Variants in CMIP observed in about 807,000 individuals in gnomAD.
CMIP encodes the protein c-Maf inducing protein.
Under a neutral mutation model 97.3 loss-of-function variants are expected in CMIP, and 13 were observed. The observed-to-expected ratio is 0.13, with a 90% CI of 0.09 to 0.21. The LOEUF is 0.21. Among genes scored for constraint, CMIP ranks in the 10% least tolerant of loss-of-function variants. The pLI, the probability that CMIP is intolerant of heterozygous loss-of-function variation, is 1.00. For missense variants in CMIP, 847 were observed against 1,024.9 expected (o/e 0.83, Z 2.37); for synonymous variants, 538 against 436.3 (o/e 1.23, Z -2.91).
chr16:81,615,422 G>A (rs919945945), intron 2 of CMIP, among the ~76,000 whole-genome samples: 12 of 143,388 alleles, frequency 8.4e-5, no homozygotes, highest in Middle Eastern at 4.7e-3. Context: ...GTGTGTGTGC[G>A]TGGTGTGTGT....
intron 1 of CMIP, among the ~76,000 whole-genome samples, chr16:81,462,674 A>G (rs1906966227): frequency 1.3e-5 from 2 of 152,072 alleles, no homozygotes; most frequent in Admixed American, 6.5e-5. Context: ...CCCAGTCTGG[A>G]GTTTCAAGGT....
intron 1 of CMIP, among the ~76,000 whole-genome samples, chr16:81,530,851 A>G (rs1376324323): frequency 6.6e-6 from 1 of 152,294 alleles, no homozygotes; most frequent in East Asian, 1.9e-4. Flanking sequence ...CTTCTTCTGC[A>G]TAAAAAAGAA....
chr16:81,645,313 C>A, intron 3 of CMIP: 2 of 1,259,550 alleles, frequency 1.6e-6, no homozygotes, highest in Non-Finnish European at 2.1e-6. Context: ...GCCCGTGCAG[C>A]GTCCTCTCTT....
intron 9 of CMIP, among the ~76,000 whole-genome samples, chr16:81,672,436 C>T (rs2092691341): frequency 6.6e-6 from 1 of 152,184 alleles, no homozygotes; most frequent in Non-Finnish European, 1.5e-5. Context: ...TGTACACATA[C>T]ATGTGACTGT....
At position 81,454,908 on chromosome 16, in the gene CMIP, G is replaced by A. The variant is rs145948418; in HGVS notation, c.300+9367G>A. ...TGATGGAGATGAGGGTGGCAGGTCGGAGGTGGGAATGAGCAGAGGGAACAG... is the reference window on the plus strand; with the variant it reads ...TGATGGAGATGAGGGTGGCAGGTCGAAGGTGGGAATGAGCAGAGGGAACAG... On this transcript the variant is annotated intron_variant, in intron 1 of 20. Coordinates refer to ENST00000537098, the MANE Select transcript of CMIP (RefSeq NM_198390.3). Among the ~76,000 whole-genome samples, 210 of 152,316 alleles carry A rather than the reference G, an allele frequency of 1.4e-3. 1 individual carries two copies. The highest frequency in any genetic ancestry group is 5.0e-3 in the African/African-American group (206 of 41,554).
chr16:81,473,717 C>T (rs950068013), intron 1 of CMIP, among the ~76,000 whole-genome samples: 15 of 151,262 alleles, frequency 9.9e-5, no homozygotes, highest in African/African-American at 2.9e-4. Flanking sequence ...TTGGGGGACG[C>T]GGGGACGCAG....
At chr16:81,521,437 C>A (rs926434492) in intron 1 of CMIP, among the ~76,000 whole-genome samples, 1 of 152,096 alleles carries the variant, frequency 6.6e-6, no homozygotes, top group Non-Finnish European at 1.5e-5. Flanking sequence ...GTAGAACCAC[C>A]GGTGACCGCC....
chr16:81,569,969 A>G (rs1220423633), intron 1 of CMIP, among the ~76,000 whole-genome samples: 1 of 152,062 alleles, frequency 6.6e-6, no homozygotes, highest in African/African-American at 2.4e-5. Flanking sequence ...TCATTCATTC[A>G]TTCATTCAGC....
intron 1 of CMIP, among the ~76,000 whole-genome samples, chr16:81,558,852 G>C (rs1175958127): frequency 1.3e-5 from 2 of 152,220 alleles, no homozygotes; most frequent in African/African-American, 4.8e-5. Context: ...CCTCCCGCCT[G>C]CAGCCATCCT....
chr16:81,588,548 C>T (rs1162079527), intron 1 of CMIP, among the ~76,000 whole-genome samples: 1 of 152,198 alleles, frequency 6.6e-6, no homozygotes, highest in Non-Finnish European at 1.5e-5. Context: ...GTGACAATTA[C>T]ATCATTACCT....
At chr16:81,514,654 G>T (rs77524171) in intron 1 of CMIP, among the ~76,000 whole-genome samples, 1 of 152,166 alleles carries the variant, frequency 6.6e-6, no homozygotes, top group Non-Finnish European at 1.5e-5. Context: ...GAGCCTGAGA[G>T]CCCAGGAGAA....
At chr16:81,486,349 G>A (rs990945895) in intron 1 of CMIP, among the ~76,000 whole-genome samples, 1 of 152,226 alleles carries the variant, frequency 6.6e-6, no homozygotes, top group African/African-American at 2.4e-5. Context: ...GAGCAGCCCT[G>A]GGAGGTAGAT....
At chr16:81,478,802 G>A (rs1908083616) in intron 1 of CMIP, among the ~76,000 whole-genome samples, 1 of 152,192 alleles carries the variant, frequency 6.6e-6, no homozygotes, top group African/African-American at 2.4e-5. Flanking sequence ...AGGGAGGGGA[G>A]CAGGAGACCC....
At chr16:81,478,953 A>T (rs981877139) in intron 1 of CMIP, among the ~76,000 whole-genome samples, 3 of 152,040 alleles carry the variant, frequency 2.0e-5, no homozygotes, top group Non-Finnish European at 4.4e-5. Context: ...ACCCGTCCTC[A>T]CCCGAAGCAG....
intron 2 of CMIP, among the ~76,000 whole-genome samples, chr16:81,615,672 C>T (rs1028046679): frequency 7.6e-6 from 1 of 131,946 alleles, no homozygotes; most frequent in South Asian, 2.5e-4. Flanking sequence ...GTGTATGTGT[C>T]TGTGTGTGTG....
At chr16:81,447,533 G>T (rs1597439508) in intron 1 of CMIP, among the ~76,000 whole-genome samples, 2 of 152,198 alleles carry the variant, frequency 1.3e-5, no homozygotes, top group East Asian at 3.8e-4. Context: ...GGCCAGCCCA[G>T]GTAGGTGGCA....
Position 81,691,797 on chromosome 16 carries a change from C to T in CMIP, c.1411C>T (p.Pro471Ser), listed in dbSNP as rs1456730271. The T allele has an allele frequency of 1.9e-6, 3 of 1,613,808 alleles. No homozygotes were observed. Among genetic ancestry groups the T allele is most frequent in the African/African-American group, 1.3e-5 (1 of 74,932 alleles). Residue 471 changes from proline (P) to serine (S), a missense_variant, in exon 11 of 21, where the codon CCG (proline) becomes TCG (serine). Physicochemically the swap from Pro to Ser is moderately conservative, Grantham distance 74 (BLOSUM62 -1). Around this residue, in one of 4 missense-constraint regions of CMIP, gnomAD observed 202 missense variants for 168.7 expected, o/e 1.20. Coordinates refer to ENST00000537098, the MANE Select transcript of CMIP (RefSeq NM_198390.3). ...TAGGTCAGACTATGATGACTGGAGA[C>T]CGTCTCTGGCCAGTTTGCTTCAACC... The part of the protein sequence containing the change: ...KLLSDYDDWR[P>S]SLASLLQPIP...
At chr16:81,522,813 A>G (rs1301023539) in intron 1 of CMIP, among the ~76,000 whole-genome samples, 1 of 152,114 alleles carries the variant, frequency 6.6e-6, no homozygotes, top group Non-Finnish European at 1.5e-5. Context: ...CTAATTTACT[A>G]CCCACCTCCA....
chr16:81,544,987 C>T (rs1358118405), intron 1 of CMIP, among the ~76,000 whole-genome samples: 1 of 152,172 alleles, frequency 6.6e-6, no homozygotes, highest in Non-Finnish European at 1.5e-5. Context: ...TTTTCATTTT[C>T]ATCTCCTGCC....
Sources: allele counts gnomAD v4.1 joint callset (sites outside exome capture counted in the v4.1 genomes callset), GRCh38; gene constraint gnomAD v4.1.1; regional missense constraint gnomAD v4.1.1; transcripts MANE v1.5; gene names NCBI Gene and HGNC (gene_info 2026-07-23, HGNC 2026-07-21).